The following DLG1 variants were observed in gnomAD, a reference collection of about 807,000 sequenced individuals.
DLG1 encodes discs large MAGUK scaffold protein 1.
In DLG1, 42 loss-of-function variants were observed where a neutral mutation model predicts 123.4. The observed-to-expected ratio is 0.34, with a 90% CI of 0.27 to 0.44. DLG1 has a LOEUF of 0.44. DLG1 is among the 20% of genes least tolerant of loss of function. DLG1 has a pLI of 1.00. For synonymous variants in DLG1, 317 were observed against 356.2 expected, an observed-to-expected ratio of 0.89 and a Z score of 1.24; for missense variants, 942 against 1,082.6, an observed-to-expected ratio of 0.87 and a Z score of 1.82.
chr3:197,167,955 A>G (rs1398399000), intron 5 of DLG1, among the ~76,000 whole-genome samples: 1 of 152,244 alleles, frequency 6.6e-6, no homozygotes, highest in Admixed American at 6.5e-5. Context: ...CCCTAACAAT[A>G]GGATAATAGC....
At chr3:197,294,850 G>C (rs1560198635) in intron 3 of DLG1, among the ~76,000 whole-genome samples, 2 of 151,948 alleles carry the variant, frequency 1.3e-5, no homozygotes. Context: ...ATTTTCTTAA[G>C]TTACAGCCAT....
intron 19 of DLG1, among the ~76,000 whole-genome samples, chr3:197,068,010 A>G (rs534950173): frequency 1.3e-5 from 2 of 152,356 alleles, no homozygotes; most frequent in Non-Finnish European, 2.9e-5. Flanking sequence ...TCAAGATCCT[A>G]TAACAATTTT....
chr3:197,046,397 A>C (rs1578032929), intron 24 of DLG1, among the ~76,000 whole-genome samples: 1 of 152,224 alleles, frequency 6.6e-6, no homozygotes, highest in Non-Finnish European at 1.5e-5. Context: ...AGACACCTTA[A>C]CCATGTGATT....
intron 16 of DLG1, 21 bp downstream of exon 16, chr3:197,085,559 A>G (rs774383311): frequency 1.2e-6 from 2 of 1,612,402 alleles, no homozygotes; most frequent in Admixed American, 1.7e-5. Context: ...CTCACATTCA[A>G]GTGGTAAGAA....
chr3:197,230,986 T>C (rs1041695557), intron 4 of DLG1, among the ~76,000 whole-genome samples: 3 of 150,020 alleles, frequency 2.0e-5, no homozygotes, highest in African/African-American at 7.6e-5. Context: ...TTATAGCATA[T>C]AACTAGTTGC....
At chr3:197,118,065 T>A (rs535265394) in intron 12 of DLG1, among the ~76,000 whole-genome samples, 1 of 152,290 alleles carries the variant, frequency 6.6e-6, no homozygotes, top group South Asian at 2.1e-4. Context: ...ATTTTATACT[T>A]CATTATTACA....
chr3:197,062,792 A>G lies in DLG1; in HGVS notation c.2373+2484T>C, dbSNP rs1271548050. Among the ~76,000 whole-genome samples, 5 of 152,228 alleles carry G rather than the reference A, an allele frequency of 3.3e-5. No individual in the cohort carries two copies. The East Asian group carries it at 9.6e-4, about 29-fold the overall frequency. On this transcript the variant is annotated intron_variant, in intron 22 of 24. Coordinates refer to ENST00000667157, the MANE Select transcript of DLG1 (RefSeq NM_001366207.1). ...TAGGTCTTCTTAGTGGATAAAGCAA[A>G]TAAACATACGTGTGTGTATACATAA... is the stretch of plus-strand genomic sequence containing the variant.
chr3:197,194,118 T>C (rs1033711143), intron 5 of DLG1, among the ~76,000 whole-genome samples: 1 of 152,198 alleles, frequency 6.6e-6, no homozygotes, highest in Non-Finnish European at 1.5e-5. Context: ...TACCAACTAA[T>C]ATTTAAAAAC....
intron 2 of DLG1, chr3:197,296,953 T>TGC (rs1553843634): frequency 7.9e-6 from 4 of 505,170 alleles, no homozygotes; most frequent in Non-Finnish European, 1.4e-5. Context: ...GGACATCTGT[T>TGC]GGGGGGGGGC....
At chr3:197,120,137 T>C (rs1173464688) in intron 11 of DLG1, among the ~76,000 whole-genome samples, 1 of 151,976 alleles carries the variant, frequency 6.6e-6, no homozygotes, top group African/African-American at 2.4e-5. Context: ...TGGTGTGGCC[T>C]GTAGTCCCAC....
At chr3:197,217,068 A>C (rs1306566208) in intron 4 of DLG1, among the ~76,000 whole-genome samples, 2 of 152,242 alleles carry the variant, frequency 1.3e-5, no homozygotes, top group Non-Finnish European at 2.9e-5. Flanking sequence ...AAGGAAATGT[A>C]GCATTTTCAT....
intron 4 of DLG1, among the ~76,000 whole-genome samples, chr3:197,237,522 T>A (rs887372782): frequency 2.6e-5 from 4 of 152,112 alleles, no homozygotes; most frequent in African/African-American, 9.7e-5. Context: ...AGAAAAAAAC[T>A]CTGTCACCAA....
intron 3 of DLG1, among the ~76,000 whole-genome samples, chr3:197,286,486 C>T (rs576635793): frequency 1.3e-5 from 2 of 152,250 alleles, no homozygotes; most frequent in South Asian, 2.1e-4. Context: ...AATGTAACGC[C>T]GCTACTGACC....
At chr3:197,156,770 A>G (rs1431472826) in intron 5 of DLG1, among the ~76,000 whole-genome samples, 1 of 152,154 alleles carries the variant, frequency 6.6e-6, no homozygotes, top group Non-Finnish European at 1.5e-5. Context: ...AAATTAACGC[A>G]CCTAATAGCA....
chr3:197,105,046 A>T lies in DLG1; in HGVS notation c.1444-41T>A, dbSNP rs766548787. 9 of 1,328,114 alleles carry T rather than the reference A, an allele frequency of 6.8e-6. No homozygotes were observed. The Admixed American group carries it at 1.6e-4, about 24-fold the overall frequency. 82.3% of individuals were successfully genotyped at this position (1,328,114 alleles called of 1,614,324 possible). ...AATCTTAATTTGGGAGAAAAGAATC[A>T]CTGTGATTAGAAATCACAATAGTCT... On this transcript the variant is annotated intron_variant, in intron 13 of 24. Transcript: ENST00000667157.
intron 5 of DLG1, among the ~76,000 whole-genome samples, chr3:197,163,600 G>C (rs1221478219): frequency 1.3e-5 from 2 of 149,828 alleles, no homozygotes; most frequent in Non-Finnish European, 3.0e-5. Flanking sequence ...TCAGCTCACT[G>C]TAACGTCCGC....
At chr3:197,141,716 T>C (rs1009048611) in intron 7 of DLG1, among the ~76,000 whole-genome samples, 2 of 152,182 alleles carry the variant, frequency 1.3e-5, no homozygotes, top group Admixed American at 6.5e-5. Context: ...AAAAACTGAA[T>C]GCAGATATTC....
intron 19 of DLG1, 135 bp from the exon 20 acceptor site, chr3:197,066,889 C>T: frequency 3.8e-6 from 2 of 520,380 alleles, no homozygotes; most frequent in Non-Finnish European, 3.4e-6. Flanking sequence ...TACTTTATGG[C>T]AAGATTTAGT....
At chr3:197,101,903 G>T (rs997828675) in intron 14 of DLG1, among the ~76,000 whole-genome samples, 3 of 151,946 alleles carry the variant, frequency 2.0e-5, no homozygotes, top group Non-Finnish European at 4.4e-5. Flanking sequence ...GCACTACCAC[G>T]CATGGCTAAT....
Sources: gnomAD v4.1 joint callset for allele counts (sites outside exome capture counted in the v4.1 genomes callset) on GRCh38, gnomAD v4.1.1 for gene constraint, MANE v1.5 for transcripts, NCBI Gene and HGNC (gene_info 2026-07-23, HGNC 2026-07-21) for gene names.